Variants in PSMD1 observed in about 807,000 individuals in gnomAD.
PSMD1 encodes proteasome 26S subunit, non-ATPase 1, also known as 26S proteasome non-ATPase regulatory subunit 1.
A neutral mutation model predicts 119.0 loss-of-function variants in PSMD1; 18 were observed. That is an observed-to-expected ratio of 0.15 (90% CI 0.10 to 0.22). The LOEUF (loss-of-function observed/expected upper bound fraction) is 0.22. Among genes scored for constraint, PSMD1 ranks in the 10% least tolerant of loss-of-function variants. The pLI is 1.00. For synonymous variants in PSMD1, 374 were observed against 396.6 expected (o/e 0.94, Z 0.68); for missense variants, 702 against 1,158.5 (o/e 0.61, Z 5.72).
At chr2:231,108,862 C>T in intron 16 of PSMD1, 3 of 1,614,088 alleles carry the variant, frequency 1.9e-6, no homozygotes, top group Non-Finnish European at 2.5e-6. Context: ...CATAGCCTAT[C>T]CACACAAATA....
chr2:231,170,488 T>C lies in PSMD1; in HGVS notation c.2716-78T>C. On this transcript the variant is annotated intron_variant, in intron 23 of 24. Coordinates refer to ENST00000308696, the MANE Select transcript of PSMD1 (RefSeq NM_002807.4). The surrounding 1 kb of genome is among the most constrained non-coding windows in gnomAD (Gnocchi z 4.1). ...TCATTTAAGTAGTTTTAAAGTACCA[T>C]TTAACAAGTATTTACTCTAGATTGT... 1 of 1,387,220 alleles carries C rather than the reference T, an allele frequency of 7.2e-7. No individual in the cohort carries two copies. Among genetic ancestry groups the C allele is most frequent in the Non-Finnish European group, 9.6e-7 (1 of 1,036,868 alleles). 85.9% of individuals were successfully genotyped at this position (1,387,220 alleles called of 1,614,324 possible).
At chr2:231,111,055 A>T (rs762069376) in intron 16 of PSMD1, among the ~76,000 whole-genome samples, 1 of 152,138 alleles carries the variant, frequency 6.6e-6, no homozygotes, top group African/African-American at 2.4e-5. Context: ...GTTAACCTCC[A>T]TGACATTTGT....
In PSMD1 at chr2:231,079,528, T is replaced by C; in HGVS notation, c.1161-8T>C. Reference sequence around the variant, plus strand: ...ACACTAATTAAAATACATCATCTTTTTTTACAGAGATAATTTGGAATGGTT... The same window carrying C: ...ACACTAATTAAAATACATCATCTTTCTTTACAGAGATAATTTGGAATGGTT... On this transcript the variant is annotated splice_region_variant and splice_polypyrimidine_tract_variant and intron_variant, in intron 10 of 24. Coordinates refer to ENST00000308696, the MANE Select transcript of PSMD1 (RefSeq NM_002807.4). 1 of 1,580,868 alleles carries C rather than the reference T, an allele frequency of 6.3e-7. No individual in the cohort carries two copies. Among genetic ancestry groups the C allele is most frequent in the Non-Finnish European group, 8.6e-7 (1 of 1,157,852 alleles).
In PSMD1 at chr2:231,104,246, A is replaced by G. The variant is rs528273765; in HGVS notation, c.1883+17065A>G. ...TTAATCTGATGGTGCTTTGCTCTCT[A>G]GTTAACAAAATTCATGTCTGCCCTT... On this transcript the variant is annotated intron_variant, in intron 16 of 24. Coordinates refer to ENST00000308696, the MANE Select transcript of PSMD1 (RefSeq NM_002807.4). Among the ~76,000 whole-genome samples, 3 of 152,284 alleles carry G rather than the reference A, an allele frequency of 2.0e-5. No homozygotes were observed. In the East Asian group the frequency reaches 5.8e-4, roughly 29 times the overall value.
intron 23 of PSMD1, among the ~76,000 whole-genome samples, chr2:231,168,741 A>G (rs900449020): frequency 6.6e-6 from 1 of 152,248 alleles, no homozygotes; most frequent in Non-Finnish European, 1.5e-5. Context: ...ATAGCTGCAC[A>G]AGTTTGTGAA....
intron 16 of PSMD1, among the ~76,000 whole-genome samples, chr2:231,138,185 T>C (rs947233725): frequency 2.0e-5 from 3 of 152,232 alleles, no homozygotes; most frequent in African/African-American, 7.2e-5. Flanking sequence ...ATGGAGAGAA[T>C]GAAAAATAAT....
At chr2:231,061,182 A>G in intron 1 of PSMD1, 85 bp from the exon 2 acceptor site, 3 of 1,061,652 alleles carry the variant, frequency 2.8e-6, no homozygotes, top group Admixed American at 2.3e-5. Flanking sequence ...ATTGTTTTTC[A>G]GCCATCATGT....
chr2:231,150,415 C>CAT (rs939158077), intron 18 of PSMD1, among the ~76,000 whole-genome samples: 1 of 151,028 alleles, frequency 6.6e-6, no homozygotes, highest in Non-Finnish European at 1.5e-5. Context: ...CATATATAGA[C>CAT]ATATATATAG....
In PSMD1 at chr2:231,170,957, T is replaced by C. The variant is rs530138439; in HGVS notation, c.*9+236T>C. ...TATTCAAAGTGGCTGGTCTGCAAACTATTTTTATAGGTCCATAAGGAGATA... is the reference window on the plus strand; with the variant it reads ...TATTCAAAGTGGCTGGTCTGCAAACCATTTTTATAGGTCCATAAGGAGATA... On this transcript the variant is annotated intron_variant, in intron 24 of 24. Transcript: ENST00000308696. This position sits in a 1 kb window ranked among gnomAD's most constrained non-coding sequence, Gnocchi z 4.1. Among the ~76,000 whole-genome samples, 1 of 152,354 alleles carries C rather than the reference T, an allele frequency of 6.6e-6. No homozygotes were observed. The highest frequency in any genetic ancestry group is 2.1e-4 in the South Asian group (1 of 4,834).
intron 7 of PSMD1, among the ~76,000 whole-genome samples, chr2:231,073,880 A>G (rs908424877): frequency 2.6e-5 from 4 of 152,032 alleles, no homozygotes; most frequent in African/African-American, 9.7e-5. Flanking sequence ...ATAGCTTTAT[A>G]AATGATTTTT....
At position 231,056,902 on chromosome 2, in the gene PSMD1, CG is replaced by C; in HGVS notation, c.-123del. Reference sequence around the variant, plus strand: ...GAAGCGAGCCGGCGGCCTGAGGAGGCGACTGACTGAGCAGCGCACCCGGGGA... The same window carrying C: ...GAAGCGAGCCGGCGGCCTGAGGAGGCACTGACTGAGCAGCGCACCCGGGGA... On this transcript the variant is annotated 5_prime_UTR_variant, in exon 1 of 25. Transcript: ENST00000308696. The C allele has an allele frequency of 7.5e-7, 1 of 1,338,862 alleles. No homozygotes were observed. The highest frequency in any genetic ancestry group is 1.0e-6 in the Non-Finnish European group (1 of 973,934). 82.9% of individuals were successfully genotyped at this position (1,338,862 alleles called of 1,614,324 possible). A position where few individuals can be genotyped will look rare whatever the true frequency, so the allele number is the denominator to read the frequency against.
intron 16 of PSMD1, among the ~76,000 whole-genome samples, chr2:231,130,291 T>C (rs540896538): frequency 6.6e-6 from 1 of 152,310 alleles, no homozygotes; most frequent in Admixed American, 6.5e-5. Flanking sequence ...AAATATACTT[T>C]TAAATAACAT....
intron 23 of PSMD1, 25 bp downstream of exon 23, chr2:231,166,042 G>A (rs773373796): frequency 1.1e-5 from 17 of 1,577,232 alleles, no homozygotes; most frequent in Non-Finnish European, 1.5e-5. Flanking sequence ...ACTCTTAGCT[G>A]TATATACCAG....
intron 16 of PSMD1, chr2:231,123,353 T>C (rs1695611091): frequency 3.4e-6 from 4 of 1,192,956 alleles, no homozygotes; most frequent in Non-Finnish European, 5.0e-6. Flanking sequence ...TGAGTGTCCA[T>C]TCTCTAATAG....
At chr2:231,092,215 G>A (rs148162285) in intron 16 of PSMD1, among the ~76,000 whole-genome samples, 337 of 152,256 alleles carry the variant, frequency 2.2e-3, no homozygotes, top group African/African-American at 7.8e-3. Context: ...TGCCAATCAC[G>A]TGTCAAATTG....
chr2:231,133,114 T>A (rs1695888645), intron 16 of PSMD1, among the ~76,000 whole-genome samples: 1 of 152,184 alleles, frequency 6.6e-6, no homozygotes. Flanking sequence ...CTACTCAGAT[T>A]ATTTGGAATC....
intron 19 of PSMD1, among the ~76,000 whole-genome samples, chr2:231,159,536 A>T (rs956399675): frequency 1.3e-5 from 2 of 152,198 alleles, no homozygotes; most frequent in African/African-American, 4.8e-5. Context: ...TGTACTTTAC[A>T]GTTTGCTTCA....
intron 16 of PSMD1, among the ~76,000 whole-genome samples, chr2:231,112,150 A>AAT (rs368818524): frequency 4.6e-5 from 7 of 152,216 alleles, no homozygotes; most frequent in African/African-American, 1.7e-4. Flanking sequence ...ACCCCACCCC[A>AAT]ATATACACAT....
chr2:231,063,571 G>C (rs1209829739), intron 4 of PSMD1, among the ~76,000 whole-genome samples: 1 of 152,164 alleles, frequency 6.6e-6, no homozygotes, highest in Non-Finnish European at 1.5e-5. Context: ...TGCACAAGGG[G>C]GTTGATAGAG....
Sources: allele counts gnomAD v4.1 joint callset (sites outside exome capture counted in the v4.1 genomes callset), GRCh38; gene constraint gnomAD v4.1.1; non-coding constraint Gnocchi (gnomAD v3.1); transcripts MANE v1.5; gene names NCBI Gene and HGNC (gene_info 2026-07-23, HGNC 2026-07-21).